The following SUN3 variants were observed in gnomAD, a reference collection of about 807,000 sequenced individuals.
SUN3 encodes Sad1 and UNC84 domain containing 3.
In SUN3, 36 loss-of-function variants were observed where a neutral mutation model predicts 48.2. That is an observed-to-expected ratio of 0.75 (90% CI 0.57 to 0.99). The LOEUF (loss-of-function observed/expected upper bound fraction) is 0.99, where lower values mean the gene tolerates loss of function less well. SUN3 is among the 50% of genes least tolerant of loss of function. The probability of loss-of-function intolerance (pLI) is 0.00; values close to 1 mark genes in which losing one functional copy is unlikely to be tolerated. For synonymous variants in SUN3, 148 were observed against 147.9 expected, an observed-to-expected ratio of 1.00 and a Z score of 0.00; for missense variants, 419 against 433.1, an observed-to-expected ratio of 0.97 and a Z score of 0.29.
At chr7:48,017,890 C>G (rs1378933186) in intron 2 of SUN3, among the ~76,000 whole-genome samples, 2 of 152,148 alleles carry the variant, frequency 1.3e-5, no homozygotes, top group Non-Finnish European at 2.9e-5. Context: ...TATTGAAAGA[C>G]TTCAAAGACA....
At chr7:48,008,928 G>T in intron 4 of SUN3, 107 bp downstream of exon 4, 3 of 963,502 alleles carry the variant, frequency 3.1e-6, no homozygotes, top group South Asian at 1.6e-5. Context: ...GTGAAATTTT[G>T]AGTTATTTCA....
intron 4 of SUN3, 50 bp from the exon 5 acceptor site, chr7:48,007,377 T>TTATC (rs767354423): frequency 1.3e-6 from 2 of 1,567,606 alleles, no homozygotes; most frequent in Admixed American, 3.5e-5. Flanking sequence ...AAAGCTCCTG[T>TTATC]TATCAGCTGT....
chr7:48,009,486 G>A (rs933895977), intron 3 of SUN3, among the ~76,000 whole-genome samples: 1 of 152,188 alleles, frequency 6.6e-6, no homozygotes, highest in Non-Finnish European at 1.5e-5. Context: ...AGCACATGGC[G>A]ACGTTAGAGG....
At chr7:48,006,779 C>T (rs763183192) in intron 5 of SUN3, among the ~76,000 whole-genome samples, 17 of 152,194 alleles carry the variant, frequency 1.1e-4, no homozygotes, top group Non-Finnish European at 1.3e-4. Flanking sequence ...TGGTTTCCAA[C>T]ACAGTTTTGC....
intron 2 of SUN3, among the ~76,000 whole-genome samples, chr7:48,019,923 A>T (rs1192554958): frequency 6.7e-6 from 1 of 149,702 alleles, no homozygotes; most frequent in Non-Finnish European, 1.5e-5. Context: ...ATACTTCTAA[A>T]CTCATTCTAC....
chr7:47,998,567 T>TATTATCCA (rs1183982358), intron 6 of SUN3, among the ~76,000 whole-genome samples: 5 of 152,196 alleles, frequency 3.3e-5, no homozygotes, highest in African/African-American at 1.2e-4. Flanking sequence ...TTGAAGCCCA[T>TATTATCCA]ATTATCCATT....
chr7:48,029,820 A>G (rs964273178), upstream of SUN3, among the ~76,000 whole-genome samples: 1 of 151,872 alleles, frequency 6.6e-6, no homozygotes, highest in African/African-American at 2.4e-5. Flanking sequence ...TGGAGATACT[A>G]CTCCATGGCC....
At chr7:48,019,977 CAAAAAAAAAAAAA>C (rs869166401) in intron 2 of SUN3, among the ~76,000 whole-genome samples, 1 of 64,144 alleles carries the variant, frequency 1.6e-5, no homozygotes, top group Non-Finnish European at 3.5e-5. Context: ...AAAGACACAT[CAAAAAAAAAAAAA>C]AAAAAAAAAA....
intron 6 of SUN3, among the ~76,000 whole-genome samples, chr7:47,998,633 C>G (rs1387342321): frequency 6.6e-6 from 1 of 152,036 alleles, no homozygotes. Flanking sequence ...CTTTTTCTAA[C>G]TCTAAAAAAT....
the SUN3 span, chr7:48,035,493 C>A: frequency 3.7e-5 from 26 of 697,302 alleles, no homozygotes; most frequent in Non-Finnish European, 4.7e-5. The surrounding 1 kb of genome is among the most constrained non-coding windows in gnomAD (Gnocchi z 4.0). Context: ...GCCGTTCAGC[C>A]GTTGCCCTGG....
chr7:48,018,704 G>A (rs761663255), intron 2 of SUN3: 3 of 152,842 alleles, frequency 2.0e-5, no homozygotes, highest in Non-Finnish European at 4.4e-5. Context: ...GCAAACCCTG[G>A]GGAAGAGGGA....
chr7:48,008,884 TATC>T (rs2128777386), intron 4 of SUN3, 148 bp downstream of exon 4: 1 of 660,818 alleles, frequency 1.5e-6, no homozygotes, highest in East Asian at 2.8e-5. Context: ...CTAGGAATGA[TATC>T]ATTAAATATT....
chr7:47,988,885 A>G lies in SUN3; in HGVS notation c.862-5T>C. 6.5e-7 allele frequency: 1 copy of G among 1,537,494 alleles called. No homozygotes were observed. The highest frequency in any genetic ancestry group is 1.1e-5 in the South Asian group (1 of 88,054). On this transcript the variant is annotated splice_polypyrimidine_tract_variant and splice_region_variant and intron_variant, in intron 8 of 9. Transcript: ENST00000297325. ...TTCACATTTTTTTGTGATGCCCTAT[A>G]AAGAAAGCAACAGATATAGAGATTG...
chr7:47,993,086 A>C (rs565036962), intron 8 of SUN3, among the ~76,000 whole-genome samples: 1 of 152,314 alleles, frequency 6.6e-6, no homozygotes, highest in Non-Finnish European at 1.5e-5. Context: ...TCTCAAGAAA[A>C]AAAAAATGTA....
intron 6 of SUN3, among the ~76,000 whole-genome samples, chr7:48,005,223 C>T (rs1477424928): frequency 6.6e-6 from 1 of 152,184 alleles, no homozygotes; most frequent in Non-Finnish European, 1.5e-5. Flanking sequence ...CCCATCTTGT[C>T]CCCAACACTC....
chr7:48,013,819 G>A (rs556150497), intron 3 of SUN3, among the ~76,000 whole-genome samples: 111 of 152,158 alleles, frequency 7.3e-4, no homozygotes, highest in Admixed American at 1.8e-3. Context: ...AAGAACTCAC[G>A]TAGAAATAAG....
intron 5 of SUN3, 88 bp downstream of exon 5, chr7:48,007,077 C>T (rs1212259594): frequency 7.6e-7 from 1 of 1,313,368 alleles, no homozygotes; most frequent in South Asian, 1.5e-5. Flanking sequence ...GATGTGACAT[C>T]GGAAGGACAT....
At position 48,007,301 on chromosome 7, in the gene SUN3, T is replaced by C. The variant is rs753472883; in HGVS notation, c.356A>G (p.Asn119Ser). The C allele has an allele frequency of 1.2e-6, 2 of 1,613,980 alleles. No homozygotes were observed. Among genetic ancestry groups the C allele is most frequent in the South Asian group, 1.1e-5 (1 of 91,038 alleles). Residue 119 changes from asparagine to serine, a missense_variant, in exon 5 of 10, where the codon AAT (asparagine) becomes AGT (serine). Coordinates refer to ENST00000297325, the MANE Select transcript of SUN3 (RefSeq NM_001030019.2). ...LKKESQNLEN[N>S]FRQILFLIEQ... is the part of the protein sequence containing the mutation. ...GATCAAAAATAGAATTTGACGAAAA[T>C]TGTTTTCCAGATTCTGGCTTTCCTT...
chr7:47,994,365 C>A lies in SUN3; in HGVS notation c.811G>T (p.Val271Leu), dbSNP rs1175042442. The A allele has an allele frequency of 5.0e-6, 8 of 1,613,790 alleles. No homozygotes were observed. Among genetic ancestry groups the A allele is most frequent in the South Asian group, 2.2e-5 (2 of 91,004 alleles). The change falls in exon 8 of 10, where the codon GTG (valine) becomes TTG (leucine). Residue 271 changes from valine to leucine, a missense_variant. Physicochemically the swap from Val to Leu is conservative, Grantham distance 32. Coordinates refer to ENST00000297325, the MANE Select transcript of SUN3 (RefSeq NM_001030019.2). ...CTGGAGATGTTTCCTGACGGAGACA[C>A]CTTCTCTGAGATGTGCTCCATGGTA... Reference protein sequence around the residue: ...AVTMEHISEKVSPSGNISSAP... With the variant: ...AVTMEHISEKLSPSGNISSAP...
Sources: gnomAD v4.1 joint callset for allele counts (sites outside exome capture counted in the v4.1 genomes callset) on GRCh38, gnomAD v4.1.1 for gene constraint, Gnocchi (gnomAD v3.1) non-coding constraint, MANE v1.5 for transcripts, NCBI Gene and HGNC (gene_info 2026-07-23, HGNC 2026-07-21) for gene names.